Variants in PCSK5 observed in about 807,000 individuals in gnomAD.
PCSK5 encodes prohormone convertase 5.
PCSK5 carries 129 observed loss-of-function variants against 233.2 expected under a neutral mutation model. The ratio of observed to expected loss-of-function variants is 0.55; its 90% CI spans 0.48 to 0.64. PCSK5 has a LOEUF of 0.64. Ranked by LOEUF, PCSK5 falls within the 30% of genes least tolerant of loss-of-function variation. The probability of loss-of-function intolerance (pLI) is 0.00; values close to 1 mark genes in which losing one functional copy is unlikely to be tolerated. For synonymous variants in PCSK5, 825 were observed against 879.2 expected, an observed-to-expected ratio of 0.94 and a Z score of 1.09; for missense variants, 2,076 against 2,430.1, an observed-to-expected ratio of 0.85 and a Z score of 3.06.
At chr9:76,153,220 T>TA (rs1397684879) in intron 10 of PCSK5, among the ~76,000 whole-genome samples, 1 of 152,188 alleles carries the variant, frequency 6.6e-6, no homozygotes, top group Non-Finnish European at 1.5e-5. Flanking sequence ...CTCACTCCAC[T>TA]AAAAAATAAA....
intron 12 of PCSK5, among the ~76,000 whole-genome samples, chr9:76,160,941 T>A (rs918295848): frequency 2.6e-5 from 4 of 151,936 alleles, no homozygotes; most frequent in Non-Finnish European, 4.4e-5. Context: ...AGCCAGCTAA[T>A]TTTTGTATTT....
At chr9:76,253,718 T>C (rs1385899761) in intron 24 of PCSK5, among the ~76,000 whole-genome samples, 2 of 152,236 alleles carry the variant, frequency 1.3e-5, no homozygotes, top group Non-Finnish European at 2.9e-5. Flanking sequence ...TTTTCACATC[T>C]GCAACCCAAC....
chr9:75,965,804 T>A (rs995748204), intron 2 of PCSK5, among the ~76,000 whole-genome samples: 8 of 152,200 alleles, frequency 5.3e-5, no homozygotes, highest in African/African-American at 1.9e-4. Flanking sequence ...AATTAATGAA[T>A]GTAGAAAGCC....
rs546287298 is a variant in PCSK5 at position 76,322,800 on chromosome 9, T to C, written c.4103-252T>C. 9.8e-5 allele frequency among the ~76,000 whole-genome samples: 15 copies of C among 152,350 alleles called. No homozygotes were observed. The South Asian group carries it at 2.7e-3, about 27-fold the overall frequency. ...TTTGCAGCATTGCAAATTTTTGCAC[T>C]GCACCTCCAAAGGGCAGACCATTTC... On this transcript the variant is annotated intron_variant, in intron 31 of 37. Transcript: ENST00000674117.
rs1030497247 is a variant in PCSK5, at chr9:76,362,675, C to A, written c.*3753C>A. On this transcript the variant is annotated 3_prime_UTR_variant, in exon 38 of 38. Coordinates refer to ENST00000674117, the MANE Select transcript of PCSK5 (RefSeq NM_001372043.1). ...CAGGCAGACAGCCCGGCGCTACGCC[C>A]TGGGCCTGGCAGTTAAAGATCGACC... Among the ~76,000 whole-genome samples, 4 of 152,246 alleles carry A rather than the reference C, an allele frequency of 2.6e-5. No individual in the cohort carries two copies. The highest frequency in any genetic ancestry group is 5.9e-5 in the Non-Finnish European group (4 of 68,038).
chr9:76,081,931 T>TC (rs1170697333), intron 7 of PCSK5, among the ~76,000 whole-genome samples: 1 of 152,214 alleles, frequency 6.6e-6, no homozygotes, highest in African/African-American at 2.4e-5. Context: ...AGACTTCTAC[T>TC]ATAGCATACT....
In PCSK5 at chr9:75,891,042, C is replaced by A; in HGVS notation, c.-140C>A. 1 of 720,186 alleles carries A rather than the reference C, an allele frequency of 1.4e-6. No homozygotes were observed. Among genetic ancestry groups the A allele is most frequent in the Non-Finnish European group, 2.0e-6 (1 of 494,946 alleles). The allele number at this position is 720,186 out of a possible 1,614,324, so 44.6% of individuals were successfully genotyped here. A position where few individuals can be genotyped will look rare whatever the true frequency, so the allele number is the denominator to read the frequency against. ...TCTGCTCCCTGCCGGGGCTAGCCGC[C>A]TCCTGCCGATCGCCCGGGGCTGCGA... On this transcript the variant is annotated 5_prime_UTR_variant, in exon 1 of 38. Coordinates refer to ENST00000674117, the MANE Select transcript of PCSK5 (RefSeq NM_001372043.1).
At chr9:76,229,500 T>C (rs919645118) in intron 21 of PCSK5, among the ~76,000 whole-genome samples, 1 of 152,208 alleles carries the variant, frequency 6.6e-6, no homozygotes, top group African/African-American at 2.4e-5. Context: ...CTGAAGGAGT[T>C]AGAGAGTCAG....
intron 24 of PCSK5, among the ~76,000 whole-genome samples, chr9:76,282,554 G>A (rs7859757): frequency 0.13 from 19,882 of 151,966 alleles, 1,809 homozygotes; most frequent in African/African-American, 0.26. Flanking sequence ...CTGGGCTCAA[G>A]TGATCCTTCC....
intron 3 of PCSK5, among the ~76,000 whole-genome samples, chr9:76,021,394 G>A (rs1828181901): frequency 6.6e-6 from 1 of 151,850 alleles, no homozygotes; most frequent in African/African-American, 2.4e-5. Context: ...TAAGTTCAGA[G>A]AAGAGACAAA....
intron 3 of PCSK5, among the ~76,000 whole-genome samples, chr9:76,016,850 A>T (rs1244698246): frequency 6.6e-6 from 1 of 152,128 alleles, no homozygotes; most frequent in East Asian, 1.9e-4. Context: ...CTATGCTTTG[A>T]TTTCTTAACC....
At chr9:76,130,651 C>G (rs746613958) in intron 9 of PCSK5, among the ~76,000 whole-genome samples, 1 of 149,796 alleles carries the variant, frequency 6.7e-6, no homozygotes, top group Non-Finnish European at 1.5e-5. Context: ...GCAAAGGATG[C>G]AAAACTATAA....
intron 19 of PCSK5, 25 bp from the exon 20 acceptor site, chr9:76,189,605 TA>T: frequency 1.4e-6 from 2 of 1,430,486 alleles, no homozygotes; most frequent in Non-Finnish European, 2.0e-6. Context: ...GTGAATGGAT[TA>T]AAAAATTGTA....
intron 3 of PCSK5, among the ~76,000 whole-genome samples, chr9:76,003,799 ATCTC>A (rs1182611088): frequency 6.8e-6 from 1 of 147,418 alleles, no homozygotes; most frequent in Non-Finnish European, 1.5e-5. Context: ...TATTTATTCC[ATCTC>A]TCTCTCTTTT....
At chr9:75,979,798 A>G (rs1826196460) in intron 2 of PCSK5, among the ~76,000 whole-genome samples, 1 of 152,224 alleles carries the variant, frequency 6.6e-6, no homozygotes, top group African/African-American at 2.4e-5. Flanking sequence ...CTTACTTGAA[A>G]TAATCCCTTC....
At chr9:76,126,505 C>T (rs1005034044) in intron 9 of PCSK5, among the ~76,000 whole-genome samples, 59 of 152,054 alleles carry the variant, frequency 3.9e-4, no homozygotes, top group African/African-American at 1.4e-3. Flanking sequence ...CCCAGCCACT[C>T]AGGAGGCTGA....
chr9:76,299,923 C>G (rs183801080), intron 27 of PCSK5, among the ~76,000 whole-genome samples: 6 of 152,270 alleles, frequency 3.9e-5, no homozygotes, highest in Admixed American at 3.9e-4. Context: ...CTGGAGAGTC[C>G]TAGGAGTAAT....
At chr9:76,172,771 A>G (rs1048974104) in intron 13 of PCSK5, among the ~76,000 whole-genome samples, 2 of 152,224 alleles carry the variant, frequency 1.3e-5, no homozygotes, top group East Asian at 3.9e-4. Flanking sequence ...TCCAGCAGTC[A>G]TTCACTTCTT....
At chr9:75,911,974 G>A (rs914349856) in intron 1 of PCSK5, among the ~76,000 whole-genome samples, 4 of 152,134 alleles carry the variant, frequency 2.6e-5, no homozygotes, top group Non-Finnish European at 4.4e-5. Context: ...CATAGAATTT[G>A]TGGTCGTATT....
Sources: allele counts gnomAD v4.1 joint callset (sites outside exome capture counted in the v4.1 genomes callset), GRCh38; gene constraint gnomAD v4.1.1; transcripts MANE v1.5; gene names NCBI Gene and HGNC (gene_info 2026-07-23, HGNC 2026-07-21).